The following AGAP1 variants were observed in gnomAD, a reference collection of about 807,000 sequenced individuals.
AGAP1 encodes arf-GAP with GTPase, ANK repeat and PH domain-containing protein 1.
A neutral mutation model predicts 105.3 loss-of-function variants in AGAP1; 29 were observed. The observed-to-expected ratio is 0.28, with a 90% CI of 0.21 to 0.38. The LOEUF is 0.38. AGAP1 is among the 10% of genes least tolerant of loss of function. AGAP1 has a pLI of 1.00. For synonymous variants in AGAP1, 509 were observed against 485.9 expected, an observed-to-expected ratio of 1.05 and a Z score of -0.63; for missense variants, 998 against 1,165.1, an observed-to-expected ratio of 0.86 and a Z score of 2.09.
intron 1 of AGAP1, among the ~76,000 whole-genome samples, chr2:235,667,112 ATGGCCCTGTAGCTGTCTCTGGGATTATCG>A (rs1191425150): frequency 1.3e-5 from 2 of 152,088 alleles, no homozygotes; most frequent in Non-Finnish European, 1.5e-5. Flanking sequence ...AAGAGGCGGG[ATGGCCCTGTAGCTGTCTCTGGGATTATCG>A]CGAAGCTTTT....
intron 11 of AGAP1, among the ~76,000 whole-genome samples, chr2:235,921,547 C>A (rs1284595014): frequency 6.6e-6 from 1 of 152,112 alleles, no homozygotes; most frequent in African/African-American, 2.4e-5. Flanking sequence ...GCTGTTTCTA[C>A]GTTGTAGGAA....
intron 9 of AGAP1, among the ~76,000 whole-genome samples, chr2:235,817,067 A>G (rs576141851): frequency 2.1e-4 from 32 of 152,306 alleles, no homozygotes; most frequent in African/African-American, 6.7e-4. Context: ...CTTTGTGAAT[A>G]GAGGCTTTGA....
At chr2:235,795,726 T>G (rs1234949772) in intron 6 of AGAP1, among the ~76,000 whole-genome samples, 1 of 152,204 alleles carries the variant, frequency 6.6e-6, no homozygotes, top group Non-Finnish European at 1.5e-5. Context: ...CTTCATTTTA[T>G]TTTTTAATTA....
chr2:235,617,836 C>A (rs181040706), intron 1 of AGAP1, among the ~76,000 whole-genome samples: 126 of 152,146 alleles, frequency 8.3e-4, no homozygotes, highest in African/African-American at 3.0e-3. Flanking sequence ...ATTCAGATTT[C>A]TTTTATTAAG....
chr2:235,888,692 A>C lies in AGAP1; in HGVS notation c.1155+5243A>C, dbSNP rs1178627025. Among the ~76,000 whole-genome samples, 1 of 151,270 alleles carries C rather than the reference A, an allele frequency of 6.6e-6. No homozygotes were observed. The highest frequency in any genetic ancestry group is 1.5e-5 in the Non-Finnish European group (1 of 67,952). ...TGCACTCCAGCTTGGGCGACCATGC[A>C]AGACCCTGTCTTTAAAAAAAAAAAA... On this transcript the variant is annotated intron_variant, in intron 10 of 17. Transcript: ENST00000304032. The surrounding 1 kb of genome is among the most constrained non-coding windows in gnomAD (Gnocchi z 4.8).
In AGAP1 at chr2:235,965,190, C is replaced by T. The variant is rs1416139543; in HGVS notation, c.1484-3272C>T. 6.6e-6 allele frequency among the ~76,000 whole-genome samples: 1 copy of T among 152,118 alleles called. No individual in the cohort carries two copies. The highest frequency in any genetic ancestry group is 6.5e-5 in the Admixed American group (1 of 15,270). On this transcript the variant is annotated intron_variant, in intron 12 of 17. Transcript: ENST00000304032. This position sits in a 1 kb window ranked among gnomAD's most constrained non-coding sequence, Gnocchi z 5.8. The stretch of plus-strand genomic sequence containing the variant: ...CAAGGTGATAGCAGAGAAAGCTGCC[C>T]GGAATGCAAAGGTCAGAGTGAGTGC...
chr2:235,508,989 G>A (rs2149022323), intron 1 of AGAP1, among the ~76,000 whole-genome samples: 1 of 152,304 alleles, frequency 6.6e-6, no homozygotes, highest in Non-Finnish European at 1.5e-5. Context: ...GGGGCGTGGT[G>A]GTGGCTGCGC....
intron 1 of AGAP1, among the ~76,000 whole-genome samples, chr2:235,541,009 T>C (rs1943416465): frequency 1.3e-5 from 2 of 152,222 alleles, no homozygotes; most frequent in Non-Finnish European, 2.9e-5. Flanking sequence ...TAATATTTGC[T>C]TATAGTTTTA....
chr2:235,536,190 G>C (rs1943214983), intron 1 of AGAP1, among the ~76,000 whole-genome samples: 1 of 45,772 alleles, frequency 2.2e-5, no homozygotes. Flanking sequence ...GCAGGACCCC[G>C]GGGTTTGTGT....
At position 235,517,928 on chromosome 2, in the gene AGAP1, G is replaced by A. The variant is rs141189747; in HGVS notation, c.163+23079G>A. Among the ~76,000 whole-genome samples the A allele has an allele frequency of 0.016, 1,308 of 81,150 alleles. 11 individuals carry two copies. Among genetic ancestry groups the A allele is most frequent in the Non-Finnish European group, 0.021 (924 of 43,846 alleles). 53.2% of individuals were successfully genotyped at this position (81,150 alleles called of 152,430 possible). On this transcript the variant is annotated intron_variant, in intron 1 of 17. Transcript: ENST00000304032. The surrounding 1 kb of genome is among the most constrained non-coding windows in gnomAD (Gnocchi z 4.1). ...AGCCTGGGTGACAGAGTGAGACTCC[G>A]TTTCAAAAAAAAAAAAAAAGAAAAA...
chr2:235,722,412 T>C (rs1951434821), intron 3 of AGAP1, among the ~76,000 whole-genome samples: 1 of 146,786 alleles, frequency 6.8e-6, no homozygotes, highest in African/African-American at 2.4e-5. Flanking sequence ...TATACGTAGA[T>C]GGCTGGGTTA....
At chr2:235,743,145 C>T (rs963636885) in intron 4 of AGAP1, among the ~76,000 whole-genome samples, 16 of 152,128 alleles carry the variant, frequency 1.1e-4, no homozygotes, top group Non-Finnish European at 2.1e-4. Context: ...CCAGCCTGGG[C>T]GATGGAGCGA....
At position 235,961,244 on chromosome 2, in the gene AGAP1, C is replaced by T. The variant is rs1248820636; in HGVS notation, c.1484-7218C>T. Among the ~76,000 whole-genome samples, 1 of 152,212 alleles carries T rather than the reference C, an allele frequency of 6.6e-6. No homozygotes were observed. The highest frequency in any genetic ancestry group is 1.5e-5 in the Non-Finnish European group (1 of 68,032). On this transcript the variant is annotated intron_variant, in intron 12 of 17. Transcript: ENST00000304032. The surrounding 1 kb of genome is among the most constrained non-coding windows in gnomAD (Gnocchi z 5.9). ...AGGGGCTGGATGCGCCAGTGGCCAG[C>T]TTGGGGAAGGCCTCTCTTGGGGCTT... is the stretch of plus-strand genomic sequence containing the variant.
intron 16 of AGAP1, among the ~76,000 whole-genome samples, chr2:236,108,033 C>G (rs1576323423): frequency 6.6e-6 from 1 of 152,252 alleles, no homozygotes. Flanking sequence ...CCACTGCCTC[C>G]TCCTCCCCGC....
chr2:236,013,972 G>C (rs1387077278), intron 13 of AGAP1, among the ~76,000 whole-genome samples: 1 of 152,196 alleles, frequency 6.6e-6, no homozygotes, highest in Non-Finnish European at 1.5e-5. Flanking sequence ...AGGGCCTGGT[G>C]GGGTGGAGAA....
At position 235,958,481 on chromosome 2, in the gene AGAP1, C is replaced by G. The variant is rs2317007; in HGVS notation, c.1484-9981C>G. Among the ~76,000 whole-genome samples the G allele has an allele frequency of 0.52, 79,214 of 151,928 alleles. 20,908 individuals carry two copies. Among genetic ancestry groups the G allele is most frequent in the South Asian group, 0.65 (3,130 of 4,800 alleles). ...GATATGAGAATCACAAGCACAGAGA[C>G]TCATCTCTTGAATATCACCCGGGAT... On this transcript the variant is annotated intron_variant, in intron 12 of 17. Coordinates refer to ENST00000304032, the MANE Select transcript of AGAP1 (RefSeq NM_001037131.3). The surrounding 1 kb of genome is among the most constrained non-coding windows in gnomAD (Gnocchi z 4.1).
chr2:235,952,294 ACAG>A (rs1485817461), intron 12 of AGAP1, among the ~76,000 whole-genome samples: 1 of 152,230 alleles, frequency 6.6e-6, no homozygotes, highest in Non-Finnish European at 1.5e-5. Context: ...AAATCCTAAA[ACAG>A]CAGGAGAGAA....
Position 235,830,177 on chromosome 2 carries a change from A to G in AGAP1, c.1050+22846A>G, listed in dbSNP as rs73998950. 0.11 allele frequency among the ~76,000 whole-genome samples: 16,235 copies of G among 152,208 alleles called. 2,866 individuals carry two copies. Among genetic ancestry groups the G allele is most frequent in the African/African-American group, 0.36 (15,134 of 41,474 alleles). On this transcript the variant is annotated intron_variant, in intron 9 of 17. Transcript: ENST00000304032. The surrounding 1 kb of genome is among the most constrained non-coding windows in gnomAD (Gnocchi z 5.5). ...GTGATCCGAGACTGGGAGGCCCAGA[A>G]AAGATGCAGACAAGGTAGGAGTCGG...
chr2:235,496,360 GCT>G (rs1941318569), intron 1 of AGAP1, among the ~76,000 whole-genome samples: 1 of 152,156 alleles, frequency 6.6e-6, no homozygotes, highest in African/African-American at 2.4e-5. Context: ...CAAGAGATGG[GCT>G]CTGTCTGCCT....
Sources: gnomAD v4.1 joint callset for allele counts (sites outside exome capture counted in the v4.1 genomes callset) on GRCh38, gnomAD v4.1.1 for gene constraint, Gnocchi (gnomAD v3.1) non-coding constraint, MANE v1.5 for transcripts, NCBI Gene and HGNC (gene_info 2026-07-23, HGNC 2026-07-21) for gene names.